ADCY8: variants seen among roughly 807,000 people sequenced by gnomAD.
ADCY8 encodes adenylate cyclase 8, also known as adenylate cyclase type 8.
Under a neutral mutation model 119.7 loss-of-function variants are expected in ADCY8, and 51 were observed. That is an observed-to-expected ratio of 0.43 (90% confidence interval 0.34 to 0.54). ADCY8 has a LOEUF of 0.54. Among genes scored for constraint, ADCY8 ranks in the 20% least tolerant of loss-of-function variants. The probability of loss-of-function intolerance (pLI) is 0.03; values close to 1 mark genes in which losing one functional copy is unlikely to be tolerated. For synonymous variants in ADCY8, 665 were observed against 651.0 expected (o/e 1.02, Z -0.33); for missense variants, 1,383 against 1,598.8 (o/e 0.87, Z 2.30).
At chr8:130,946,725 A>G (rs1331150611) in intron 3 of ADCY8, among the ~76,000 whole-genome samples, 1 of 152,196 alleles carries the variant, frequency 6.6e-6, no homozygotes, top group African/African-American at 2.4e-5. Flanking sequence ...TCCTTAGTCC[A>G]ATCAACAGAA....
chr8:130,935,681 C>T (rs1205802985), intron 5 of ADCY8: 1 of 152,252 alleles, frequency 6.6e-6, no homozygotes, highest in African/African-American at 2.4e-5. Flanking sequence ...ATCTTTGCTA[C>T]ACAGCTTTCA....
intron 8 of ADCY8, among the ~76,000 whole-genome samples, chr8:130,870,689 C>G (rs1377526282): frequency 6.6e-6 from 1 of 152,154 alleles, no homozygotes; most frequent in Admixed American, 6.5e-5. Context: ...GTCTCTGTGA[C>G]TACTTTTATG....
intron 7 of ADCY8, among the ~76,000 whole-genome samples, chr8:130,886,066 G>A (rs1818970377): frequency 6.6e-6 from 1 of 151,938 alleles, no homozygotes; most frequent in Non-Finnish European, 1.5e-5. Context: ...AAGCCATCCA[G>A]CCCACCCCAT....
chr8:130,970,762 A>C (rs548418721), intron 2 of ADCY8, among the ~76,000 whole-genome samples: 1 of 152,150 alleles, frequency 6.6e-6, no homozygotes, highest in South Asian at 2.1e-4. Flanking sequence ...TTTTTAGGTC[A>C]CTCTCACTTC....
intron 8 of ADCY8, among the ~76,000 whole-genome samples, chr8:130,875,559 A>T (rs770661911): frequency 6.6e-6 from 1 of 152,182 alleles, no homozygotes; most frequent in Non-Finnish European, 1.5e-5. Flanking sequence ...CTCGTTACCT[A>T]ATTCCAGAGT....
chr8:130,949,376 A>G (rs1049057355), intron 3 of ADCY8: 3 of 152,110 alleles, frequency 2.0e-5, no homozygotes, highest in Admixed American at 1.3e-4. Flanking sequence ...TACTTTCATC[A>G]TATGCCACAT....
intron 1 of ADCY8, among the ~76,000 whole-genome samples, chr8:131,024,782 A>G (rs1167321018): frequency 1.3e-5 from 2 of 152,252 alleles, no homozygotes. Flanking sequence ...GAGAAATTAA[A>G]TATTAAATAC....
At chr8:130,927,433 T>C (rs929149056) in intron 5 of ADCY8, among the ~76,000 whole-genome samples, 13 of 152,204 alleles carry the variant, frequency 8.5e-5, no homozygotes, top group Non-Finnish European at 1.8e-4. Flanking sequence ...CATTTTAAAA[T>C]CAGGTGATTG....
At chr8:130,925,236 A>G (rs1220760730) in intron 5 of ADCY8, among the ~76,000 whole-genome samples, 3 of 152,090 alleles carry the variant, frequency 2.0e-5, no homozygotes, top group Admixed American at 1.3e-4. Flanking sequence ...AACAAAACAA[A>G]CAAAAAGAAA....
At chr8:130,830,570 A>G (rs534071366) in intron 12 of ADCY8, among the ~76,000 whole-genome samples, 2 of 152,074 alleles carry the variant, frequency 1.3e-5, no homozygotes, top group African/African-American at 4.8e-5. Context: ...TTGCCTATTA[A>G]ATCTCCACTC....
At chr8:130,958,294 A>G (rs1821493513) in intron 2 of ADCY8, among the ~76,000 whole-genome samples, 1 of 152,196 alleles carries the variant, frequency 6.6e-6, no homozygotes, top group Non-Finnish European at 1.5e-5. Flanking sequence ...CAGTTTGTAA[A>G]TAATTGTAGA....
At chr8:130,952,329 A>G (rs1821299448) in intron 2 of ADCY8, among the ~76,000 whole-genome samples, 1 of 152,232 alleles carries the variant, frequency 6.6e-6, no homozygotes, top group African/African-American at 2.4e-5. Flanking sequence ...AAAACAGGTC[A>G]TGATGAGAGA....
At chr8:130,958,892 CTATT>C (rs1473199233) in intron 2 of ADCY8, among the ~76,000 whole-genome samples, 1 of 152,026 alleles carries the variant, frequency 6.6e-6, no homozygotes, top group Non-Finnish European at 1.5e-5. Flanking sequence ...TATTGTCTAT[CTATT>C]TCACTTAAAT....
intron 9 of ADCY8, among the ~76,000 whole-genome samples, chr8:130,865,267 A>G (rs1374083960): frequency 1.3e-5 from 2 of 151,692 alleles, no homozygotes; most frequent in Non-Finnish European, 2.9e-5. Context: ...CACTTTCTAT[A>G]TTTCTTAAGT....
At chr8:130,987,648 C>T (rs1459759772) in intron 2 of ADCY8, among the ~76,000 whole-genome samples, 1 of 152,046 alleles carries the variant, frequency 6.6e-6, no homozygotes, top group Non-Finnish European at 1.5e-5. Context: ...TATCTGCTGT[C>T]GCTTAGGTTC....
intron 2 of ADCY8, among the ~76,000 whole-genome samples, chr8:130,975,384 C>T (rs1178063680): frequency 2.0e-5 from 3 of 152,184 alleles, no homozygotes; most frequent in Non-Finnish European, 4.4e-5. Flanking sequence ...GTGACAGGCT[C>T]TGAATGTGCT....
At chr8:131,004,274 C>T (rs1008399809) in intron 1 of ADCY8, among the ~76,000 whole-genome samples, 1 of 152,156 alleles carries the variant, frequency 6.6e-6, no homozygotes, top group Non-Finnish European at 1.5e-5. Flanking sequence ...TGTGATCTGC[C>T]TCCCAACACC....
At chr8:130,823,920 T>G (rs1265020359) in intron 12 of ADCY8, among the ~76,000 whole-genome samples, 1 of 152,192 alleles carries the variant, frequency 6.6e-6, no homozygotes, top group African/African-American at 2.4e-5. Context: ...TGAAAATAAT[T>G]TCAAGTAATT....
intron 9 of ADCY8, among the ~76,000 whole-genome samples, chr8:130,855,583 G>A (rs777485614): frequency 8.4e-5 from 11 of 130,804 alleles, no homozygotes; most frequent in African/African-American, 1.7e-4. Flanking sequence ...CCCCCACCCC[G>A]TCACACCACC....
Sources: gnomAD v4.1 joint callset for allele counts (sites outside exome capture counted in the v4.1 genomes callset) on GRCh38, gnomAD v4.1.1 for gene constraint, MANE v1.5 for transcripts, NCBI Gene and HGNC (gene_info 2026-07-23, HGNC 2026-07-21) for gene names.